The following DEF8 variants were observed in gnomAD, a reference collection of about 807,000 sequenced individuals.
The protein encoded by DEF8 is differentially expressed in FDCP 8 homolog.
DEF8 carries 38 observed loss-of-function variants against 59.1 expected under a neutral mutation model. The observed-to-expected ratio is 0.64, with a 90% CI of 0.50 to 0.84. The LOEUF is 0.84. DEF8 is among the 40% of genes least tolerant of loss of function. The pLI, the probability that DEF8 is intolerant of heterozygous loss-of-function variation, is 0.00. For synonymous variants in DEF8, 265 were observed against 250.1 expected (o/e 1.06, Z -0.56); for missense variants, 557 against 615.2 (o/e 0.91, Z 1.00).
At position 89,967,250 on chromosome 16, in the gene DEF8, G is replaced by A; in HGVS notation, c.*1287G>A. ...GCACATGGTTGGCACACGGTGGGCA[G>A]AGGGCAGAGAATGCCACTGCTTGGT... is the stretch of plus-strand genomic sequence containing the variant. On this transcript the variant is annotated 3_prime_UTR_variant, in exon 13 of 13. Transcript: ENST00000563594. The A allele has an allele frequency of 7.5e-6, 3 of 398,706 alleles. No individual in the cohort carries two copies. The highest frequency in any genetic ancestry group is 6.3e-4 in the Middle Eastern group (1 of 1,590). 24.7% of individuals were successfully genotyped at this position (398,706 alleles called of 1,614,324 possible).
In DEF8 at chr16:89,962,017, T is replaced by C; in HGVS notation, c.813T>C (p.Ser271=). The stretch of plus-strand genomic sequence containing the variant: ...CACCCGGCCGTGCCTGGCAGGTTTC[T>C]CGCTGCAGCATGCGCTACCTGGCGC... The part of the protein sequence containing the change: ...HNWDFEPRKV[S]RCSMRYLALM... The change falls in exon 9 of 13, where the codon TCT becomes TCC. Residue 271 remains serine, a synonymous_variant. Coordinates refer to ENST00000563594, the MANE Select transcript of DEF8 (RefSeq NM_001242818.2). The C allele has an allele frequency of 6.2e-7, 1 of 1,613,992 alleles. No homozygotes were observed. Among genetic ancestry groups the C allele is most frequent in the Non-Finnish European group, 8.5e-7 (1 of 1,179,980 alleles).
chr16:89,955,356 G>A, intron 4 of DEF8, 90 bp downstream of exon 4: 2 of 1,082,024 alleles, frequency 1.8e-6, no homozygotes, highest in Non-Finnish European at 1.4e-6. Flanking sequence ...CTCCCAGGTG[G>A]CAGGGCAGTG....
At position 89,954,221 on chromosome 16, in the gene DEF8, C is replaced by G. The variant is rs2032718090; in HGVS notation, c.-10-22C>G. The G allele has an allele frequency of 1.9e-6, 3 of 1,607,964 alleles. No homozygotes were observed. Among genetic ancestry groups the G allele is most frequent in the African/African-American group, 2.7e-5 (2 of 74,842 alleles). ...GTGAGCCTGGTACCTGGGGACTCAT[C>G]CTGGCCCTGCCTGGCCCTCAGGTGG... On this transcript the variant is annotated intron_variant, in intron 2 of 12. Coordinates refer to ENST00000563594, the MANE Select transcript of DEF8 (RefSeq NM_001242818.2). The surrounding 1 kb of genome is among the most constrained non-coding windows in gnomAD (Gnocchi z 4.3).
At chr16:89,960,317 A>C (rs1389791652) in intron 6 of DEF8, among the ~76,000 whole-genome samples, 1 of 152,006 alleles carries the variant, frequency 6.6e-6, no homozygotes, top group Non-Finnish European at 1.5e-5. Flanking sequence ...AGGGCAGTCC[A>C]GCTGAAGGTT....
Position 89,964,465 on chromosome 16 carries a change from G to T in DEF8, c.1144-1G>T. 1 of 1,586,902 alleles carries T rather than the reference G, an allele frequency of 6.3e-7. No homozygotes were observed. Among genetic ancestry groups the T allele is most frequent in the Admixed American group, 1.8e-5 (1 of 56,064 alleles). On this transcript the variant is annotated splice_acceptor_variant, in intron 11 of 12. Coordinates refer to ENST00000563594, the MANE Select transcript of DEF8 (RefSeq NM_001242818.2). LOFTEE classifies it high-confidence loss of function. ...CCCCAACCCCACACTGTTCCCCCCA[G>T]CGGTGCCAGGCCAAGGGCTTCGTGT... is the stretch of plus-strand genomic sequence containing the variant.
At chr16:89,957,703 G>T in intron 5 of DEF8, 43 bp downstream of exon 5, 1 of 1,492,390 alleles carries the variant, frequency 6.7e-7, no homozygotes, top group Non-Finnish European at 9.0e-7. Flanking sequence ...CTGGGGCCGA[G>T]GCCAGAACTG....
At chr16:89,957,867 C>A in intron 5 of DEF8, 1 of 504,072 alleles carries the variant, frequency 2.0e-6, no homozygotes, top group Non-Finnish European at 3.4e-6. Context: ...CCTAGACCCT[C>A]CTGTTGCAAG....
chr16:89,958,887 T>C, intron 5 of DEF8, 127 bp from the exon 6 acceptor site: 4 of 1,509,442 alleles, frequency 2.6e-6, no homozygotes, highest in Non-Finnish European at 3.5e-6. Flanking sequence ...GGACATGGCA[T>C]TGTGCTGAAA....
Position 89,964,195 on chromosome 16 carries a change from A to T in DEF8, c.1028A>T (p.Glu343Val). The T allele has an allele frequency of 6.2e-7, 1 of 1,613,758 alleles. No individual in the cohort carries two copies. ...LQLQDRQHFV[E>V]NDEMYSVQDL... ...CTCCAGGATCGGCAGCATTTTGTGGAGAACGACGAGATGTACTCTGTCCAG... is the reference window on the plus strand; with the variant it reads ...CTCCAGGATCGGCAGCATTTTGTGGTGAACGACGAGATGTACTCTGTCCAG... The change falls in exon 11 of 13, where the codon GAG becomes GTG. Residue 343 changes from glutamate to valine, a missense_variant. Glu to Val is a moderately radical substitution (Grantham distance 121, BLOSUM62 -2). Transcript: ENST00000563594.
intron 6 of DEF8, among the ~76,000 whole-genome samples, chr16:89,960,118 G>C (rs1031162520): frequency 6.6e-6 from 1 of 152,208 alleles, no homozygotes; most frequent in Non-Finnish European, 1.5e-5. Flanking sequence ...GTTTCTGGGG[G>C]AGGTGGGCTC....
rs1417473509 is a variant in DEF8 at position 89,954,955 on chromosome 16, G to T, written c.125-214G>T. 6.6e-6 allele frequency among the ~76,000 whole-genome samples: 1 copy of T among 152,164 alleles called. No individual in the cohort carries two copies. The highest frequency in any genetic ancestry group is 1.5e-5 in the Non-Finnish European group (1 of 68,018). On this transcript the variant is annotated intron_variant, in intron 3 of 12. Coordinates refer to ENST00000563594, the MANE Select transcript of DEF8 (RefSeq NM_001242818.2). This position sits in a 1 kb window ranked among gnomAD's most constrained non-coding sequence, Gnocchi z 4.3. ...GTGTCATTCCACCTCCTCATTTTGAGTGGCTCTTTCCTGTCTACACAAGGC... is the reference window on the plus strand; with the variant it reads ...GTGTCATTCCACCTCCTCATTTTGATTGGCTCTTTCCTGTCTACACAAGGC...
intron 5 of DEF8, chr16:89,958,602 C>T (rs1200757245): frequency 2.6e-5 from 5 of 193,932 alleles, no homozygotes; most frequent in East Asian, 1.4e-4. Context: ...CGTTTCCTCA[C>T]GTAAAAATCC....
rs766604990 is a variant in DEF8, at chr16:89,965,933, C to G, written c.1326C>G (p.Phe442Leu). Residue 442 changes from phenylalanine to leucine, a missense_variant, in exon 13 of 13, where the codon TTC becomes TTG. Physicochemically the swap from Phe to Leu is conservative, Grantham distance 22. Transcript: ENST00000563594. Reference sequence around the variant, plus strand: ...TCAGCCTGAGGAAGCAGTCGCTCTTCCAGGAGCCAGGTCCCGATGTGGAGG... The same window carrying G: ...TCAGCCTGAGGAAGCAGTCGCTCTTGCAGGAGCCAGGTCCCGATGTGGAGG... ...ARLSLRKQSL[F>L]QEPGPDVEA 1.9e-6 allele frequency: 3 copies of G among 1,613,528 alleles called. No individual in the cohort carries two copies. The highest frequency in any genetic ancestry group is 3.3e-5 in the Admixed American group (2 of 59,978).
intron 6 of DEF8, among the ~76,000 whole-genome samples, chr16:89,960,632 G>T (rs951280993): frequency 6.6e-6 from 1 of 151,282 alleles, no homozygotes; most frequent in African/African-American, 2.4e-5. Context: ...TTGGGGTCGG[G>T]GGTGGGAGTT....
chr16:89,953,851 T>C lies in DEF8; in HGVS notation c.-10-392T>C, dbSNP rs376876704. On this transcript the variant is annotated intron_variant, in intron 2 of 12. Transcript: ENST00000563594. ...CTCACATAGCAGGTGGATAGCAAGC[T>C]AGAGCGGGGCTGAGTGAGTATCTGG... Among the ~76,000 whole-genome samples, 31 of 152,300 alleles carry C rather than the reference T, an allele frequency of 2.0e-4. No individual in the cohort carries two copies. In the East Asian group the frequency reaches 5.0e-3, roughly 25 times the overall value.
rs530455715 is a variant in DEF8 at position 89,956,067 on chromosome 16, C to T, written c.222+801C>T. 5.5e-5 allele frequency among the ~76,000 whole-genome samples: 8 copies of T among 146,370 alleles called. No individual in the cohort carries two copies. In the South Asian group the frequency reaches 6.4e-4, roughly 12 times the overall value. Reference sequence around the variant, plus strand: ...CAGCCTGGGTGACAGAGTGAGACTCCGTCTCAAAGAAAAAAAAAGTTTGAA... The same window carrying T: ...CAGCCTGGGTGACAGAGTGAGACTCTGTCTCAAAGAAAAAAAAAGTTTGAA... On this transcript the variant is annotated intron_variant, in intron 4 of 12. Transcript: ENST00000563594.
intron 2 of DEF8, among the ~76,000 whole-genome samples, chr16:89,950,974 C>G (rs559943363): frequency 4.6e-5 from 7 of 152,160 alleles, no homozygotes; most frequent in African/African-American, 1.7e-4. Flanking sequence ...GAGCAACACC[C>G]TGTCTCAAAA....
Position 89,967,101 on chromosome 16 carries a change from G to A in DEF8, c.*1138G>A, listed in dbSNP as rs1012016960. On this transcript the variant is annotated 3_prime_UTR_variant, in exon 13 of 13. Coordinates refer to ENST00000563594, the MANE Select transcript of DEF8 (RefSeq NM_001242818.2). ...GGTGTTTGCACTTTACAGATCCTGC[G>A]GTCCACGAGGGGCCTCAGGAGAGGA... The A allele has an allele frequency of 3.0e-5, 12 of 394,440 alleles. No homozygotes were observed. Among genetic ancestry groups the A allele is most frequent in the Admixed American group, 4.4e-5 (1 of 22,570 alleles). 24.4% of individuals were successfully genotyped at this position (394,440 alleles called of 1,614,324 possible). A position where few individuals can be genotyped will look rare whatever the true frequency, so the allele number is the denominator to read the frequency against.
At position 89,961,073 on chromosome 16, in the gene DEF8, G is replaced by A; in HGVS notation, c.657G>A (p.Glu219=). 2.5e-6 allele frequency: 4 copies of A among 1,613,062 alleles called. No individual in the cohort carries two copies. The highest frequency in any genetic ancestry group is 3.4e-6 in the Non-Finnish European group (4 of 1,179,186). The change falls in exon 7 of 13, where the codon GAG becomes GAA. Residue 219 remains glutamate, a synonymous_variant. Transcript: ENST00000563594. ...ACAGCCAGGATTACCGCTGTGCCGA[G>A]TGCCGGGCGCCCATCTCTCTGCGTG... ...GLDSQDYRCA[E]CRAPISLRGV...
Sources: gnomAD v4.1 joint callset for allele counts (sites outside exome capture counted in the v4.1 genomes callset) on GRCh38, gnomAD v4.1.1 for gene constraint, Gnocchi (gnomAD v3.1) non-coding constraint, MANE v1.5 for transcripts, NCBI Gene and HGNC (gene_info 2026-07-23, HGNC 2026-07-21) for gene names.